DMD: variants seen among roughly 807,000 people sequenced by gnomAD.
DMD encodes dystrophin.
Under a neutral mutation model 330.1 loss-of-function variants are expected in DMD, and 63 were observed. The observed-to-expected ratio is 0.19, with a 90% confidence interval of 0.16 to 0.24. The LOEUF (loss-of-function observed/expected upper bound fraction) is 0.24. DMD is among the 10% of genes least tolerant of loss of function. DMD has a pLI of 1.00. For synonymous variants in DMD, 1,223 were observed against 959.8 expected (o/e 1.27, Z -5.07); for missense variants, 3,344 against 2,684.1 (o/e 1.25, Z -5.43).
chrX:32,196,554 A>AAT (rs1481863552), intron 44 of DMD, among the ~76,000 whole-genome samples: 3 of 112,299 alleles, frequency 2.7e-5, no homozygotes, highest in African/African-American at 9.7e-5. Flanking sequence ...TTCCACATTT[A>AAT]ATATATATAT....
At chrX:32,323,472 T>G (rs2097632012) in intron 41 of DMD, among the ~76,000 whole-genome samples, 1 of 111,798 alleles carries the variant, frequency 8.9e-6, no homozygotes, top group Non-Finnish European at 1.9e-5. Flanking sequence ...TGAACTAGTA[T>G]GTGATACTAC....
intron 30 of DMD, among the ~76,000 whole-genome samples, chrX:32,402,443 C>T (rs1325127396): frequency 2.7e-5 from 3 of 111,039 alleles, no homozygotes; most frequent in East Asian, 2.8e-4. Context: ...AACTTTAGGA[C>T]ATTTTTTATT....
At chrX:32,883,215 T>G (rs886137841) in intron 2 of DMD, among the ~76,000 whole-genome samples, 2 of 112,106 alleles carry the variant, frequency 1.8e-5, no homozygotes, top group African/African-American at 6.5e-5. Context: ...CTTAGAAAGT[T>G]GCTCTTACAT....
chrX:33,264,335 C>T (rs2148907145), intron 1 of DMD, among the ~76,000 whole-genome samples: 1 of 111,486 alleles, frequency 9.0e-6, no homozygotes, highest in East Asian at 2.8e-4. Flanking sequence ...TAGAATGACT[C>T]TCAGCCTAGG....
intron 1 of DMD, among the ~76,000 whole-genome samples, chrX:33,269,451 G>A (rs887166318): frequency 3.6e-5 from 4 of 110,542 alleles, no homozygotes; most frequent in South Asian, 3.9e-4. Context: ...GGGAGGGACC[G>A]GCGGGGAAGG....
intron 4 of DMD, among the ~76,000 whole-genome samples, chrX:32,835,861 G>A (rs986173764): frequency 9.0e-6 from 1 of 111,081 alleles, no homozygotes; most frequent in Admixed American, 9.7e-5. Context: ...GTATCATTTT[G>A]AAAAGACACT....
intron 2 of DMD, among the ~76,000 whole-genome samples, chrX:32,910,073 C>T (rs1258540643): frequency 9.0e-6 from 1 of 111,521 alleles, no homozygotes. Flanking sequence ...AATTTCTAAT[C>T]CCTGACATAA....
intron 16 of DMD, among the ~76,000 whole-genome samples, chrX:32,556,045 G>A (rs2149032634): frequency 8.9e-6 from 1 of 111,853 alleles, no homozygotes; most frequent in South Asian, 3.7e-4. Context: ...CCTACAGAAT[G>A]GGAGAAAAGT....
rs1015041783 is a variant in DMD, at chrX:33,228,714, T to C, written c.7+110545A>G. On this transcript the variant is annotated intron_variant, in intron 1 of 17. Coordinates refer to the DMD transcript ENST00000288447. Reference sequence around the variant, plus strand: ...ATTTAAAAAAATTTTTCTTCAGCTTTTTTTTTTTTTGAGACAGGGTCTCAC... The same window carrying C: ...ATTTAAAAAAATTTTTCTTCAGCTTCTTTTTTTTTTGAGACAGGGTCTCAC... Among the ~76,000 whole-genome samples, 6 of 108,893 alleles carry C rather than the reference T, an allele frequency of 5.5e-5. No individual in the cohort carries two copies. The Admixed American group carries it at 5.9e-4, about 11-fold the overall frequency. The allele number at this position is 108,893 out of a possible 115,157, so 94.6% of individuals were successfully genotyped here. A position where few individuals can be genotyped will look rare whatever the true frequency, so the allele number is the denominator to read the frequency against.
chrX:31,944,521 C>T (rs1569519846), intron 45 of DMD, among the ~76,000 whole-genome samples: 1 of 106,016 alleles, frequency 9.4e-6, no homozygotes, highest in Non-Finnish European at 1.9e-5. Context: ...CTCTGTCGCC[C>T]GGCTGGAGTG....
At chrX:31,406,146 G>A (rs982645264) in intron 60 of DMD, among the ~76,000 whole-genome samples, 2 of 111,775 alleles carry the variant, frequency 1.8e-5, no homozygotes, top group Non-Finnish European at 3.8e-5. Flanking sequence ...CAGAGTTGCT[G>A]AATATCTAAG....
At chrX:31,888,510 T>C (rs1352757613) in intron 47 of DMD, among the ~76,000 whole-genome samples, 1 of 112,047 alleles carries the variant, frequency 8.9e-6, no homozygotes, top group Non-Finnish European at 1.9e-5. Flanking sequence ...ATAATTCATG[T>C]AAACCATTAT....
intron 1 of DMD, among the ~76,000 whole-genome samples, chrX:33,098,019 C>T (rs768658854): frequency 1.8e-5 from 2 of 111,640 alleles, no homozygotes; most frequent in Non-Finnish European, 3.8e-5. Context: ...TCTATTAGCA[C>T]TATCTGAGCA....
At chrX:33,130,295 A>G (rs945798328) in intron 1 of DMD, among the ~76,000 whole-genome samples, 7 of 111,981 alleles carry the variant, frequency 6.3e-5, no homozygotes, top group Non-Finnish European at 9.4e-5. Context: ...GCAAGATTCC[A>G]CAATGCACCT....
At chrX:32,780,429 A>G (rs980426043) in intron 7 of DMD, among the ~76,000 whole-genome samples, 1 of 112,181 alleles carries the variant, frequency 8.9e-6, no homozygotes, top group African/African-American at 3.2e-5. Flanking sequence ...TGTTTTACAT[A>G]TTTCTGAGAA....
chrX:32,363,028 C>A (rs1890503705), intron 36 of DMD, 70 bp from the exon 37 acceptor site: 1 of 1,018,922 alleles, frequency 9.8e-7, no homozygotes, highest in African/African-American at 1.9e-5. Context: ...AAAAAGAGAG[C>A]CAAACAGAGC....
At chrX:32,764,253 C>G (rs1401881802) in intron 7 of DMD, among the ~76,000 whole-genome samples, 1 of 111,304 alleles carries the variant, frequency 9.0e-6, no homozygotes, top group Non-Finnish European at 1.9e-5. Context: ...TGAATCCAAA[C>G]ATTTTCTAAA....
At chrX:31,945,816 G>C (rs2095078547) in intron 45 of DMD, among the ~76,000 whole-genome samples, 1 of 111,581 alleles carries the variant, frequency 9.0e-6, no homozygotes, top group Non-Finnish European at 1.9e-5. Context: ...TGGGGTCACT[G>C]GTCAGCTATA....
At chrX:32,644,016 G>A in intron 11 of DMD, 116 bp downstream of exon 11, 1 of 636,213 alleles carries the variant, frequency 1.6e-6, no homozygotes, top group South Asian at 2.9e-5. Flanking sequence ...TTGAAAGAAA[G>A]CTGTGTGCCT....
Sources: gnomAD v4.1 joint callset for allele counts (sites outside exome capture counted in the v4.1 genomes callset) on GRCh38, gnomAD v4.1.1 for gene constraint, MANE v1.5 for transcripts, NCBI Gene and HGNC (gene_info 2026-07-23, HGNC 2026-07-21) for gene names.